The following TRIM49 variants were observed in gnomAD, a reference collection of about 807,000 sequenced individuals.
The protein encoded by TRIM49 is tripartite motif containing 49, also known as tripartite motif-containing protein 49.
A neutral mutation model predicts 27.4 loss-of-function variants in TRIM49; 5 were observed. The observed-to-expected ratio is 0.18, with a 90% CI of 0.10 to 0.38. The LOEUF (loss-of-function observed/expected upper bound fraction) is 0.38. Among genes scored for constraint, TRIM49 ranks in the 10% least tolerant of loss-of-function variants. The probability of loss-of-function intolerance (pLI) is 1.00; values close to 1 mark genes in which losing one functional copy is unlikely to be tolerated. For synonymous variants in TRIM49, 69 were observed against 166.0 expected, an observed-to-expected ratio of 0.42 and a Z score of 4.49; for missense variants, 188 against 487.5, an observed-to-expected ratio of 0.39 and a Z score of 5.79.
chr11:89,769,397 T>C, the TRIM49 span, among the ~76,000 whole-genome samples: 73 of 136,168 alleles, frequency 5.4e-4, 2 homozygotes, highest in African/African-American at 1.6e-3. Context: ...TATTCTACCG[T>C]TCATGGAGAG....
intron 6 of TRIM49, among the ~76,000 whole-genome samples, chr11:89,800,592 A>C (rs1001183457): frequency 6.7e-6 from 1 of 150,226 alleles, no homozygotes; most frequent in African/African-American, 2.5e-5. Flanking sequence ...AAATACAAAA[A>C]ATTAGCCGGG....
rs776872724 is a variant in TRIM49 at position 89,798,526 on chromosome 11, G to C, written c.963C>G (p.Phe321Leu). 16 of 1,582,794 alleles carry C rather than the reference G, an allele frequency of 1.0e-5. No homozygotes were observed. The highest frequency in any genetic ancestry group is 1.0e-5 in the Non-Finnish European group (12 of 1,171,322). ...IGCDHQDVPY[F>L]TATPRSFLAW... ...CAAGAAAACTTCTAGGTGTTGCAGT[G>C]AAATAGGGTACATCTTGATGGTCAC... The change falls in exon 8 of 8, where the codon TTC becomes TTG. Residue 321 changes from phenylalanine (F) to leucine (L), a missense_variant. By Grantham distance (22) the Phe-to-Leu change is conservative. This residue lies in a region of TRIM49 where 94 missense variants were observed against 149.6 expected (regional missense o/e 0.63). Coordinates refer to ENST00000329758, the MANE Select transcript of TRIM49 (RefSeq NM_020358.2).
In TRIM49 at chr11:89,804,049, C is replaced by T. The variant is rs1397648111; in HGVS notation, c.411+10G>A. On this transcript the variant is annotated intron_variant, in intron 3 of 7. Transcript: ENST00000329758. ...CTTTACAGAAATCGATCTTCAGAGC[C>T]ATCACTTACCCGGTGTTCCTCAGCA... 5 of 1,602,334 alleles carry T rather than the reference C, an allele frequency of 3.1e-6. No individual in the cohort carries two copies. The highest frequency in any genetic ancestry group is 2.6e-6 in the Non-Finnish European group (3 of 1,173,084).
chr11:89,803,676 G>A, intron 4 of TRIM49, 22 bp downstream of exon 4: 1 of 975,904 alleles, frequency 1.0e-6, no homozygotes, highest in Non-Finnish European at 1.5e-6. Context: ...TCCTGGAGAA[G>A]GTAGAGTAGT....
downstream of TRIM49, among the ~76,000 whole-genome samples, chr11:89,796,158 T>C (rs1949687601): frequency 6.6e-6 from 1 of 152,046 alleles, no homozygotes; most frequent in South Asian, 2.1e-4. Flanking sequence ...CTTTCTCAGT[T>C]ATTTTAAATA....
chr11:89,793,764 C>T (rs1949670927), downstream of TRIM49, among the ~76,000 whole-genome samples: 1 of 151,924 alleles, frequency 6.6e-6, no homozygotes, highest in Non-Finnish European at 1.5e-5. Flanking sequence ...ATGACAATCC[C>T]ACAGCCAATA....
chr11:89,797,570 T>C (rs1949700506), downstream of TRIM49: 1 of 152,310 alleles, frequency 6.6e-6, no homozygotes, highest in South Asian at 2.1e-4. Flanking sequence ...TGTATTTCAA[T>C]GTAGACGAGC....
chr11:89,791,905 A>G, the TRIM49 span, among the ~76,000 whole-genome samples: 1 of 149,644 alleles, frequency 6.7e-6, no homozygotes, highest in East Asian at 2.0e-4. Context: ...ATTAACCTTA[A>G]ATGTAAATGG....
the TRIM49 span, among the ~76,000 whole-genome samples, chr11:89,790,944 C>T: frequency 2.0e-5 from 3 of 152,048 alleles, no homozygotes; most frequent in Non-Finnish European, 4.4e-5. Context: ...GACGATCAAA[C>T]TTCTCCAAGC....
chr11:89,779,467 GATATCT>G, the TRIM49 span, among the ~76,000 whole-genome samples: 1 of 46,058 alleles, frequency 2.2e-5, no homozygotes, highest in Non-Finnish European at 3.3e-5. Context: ...TGGAAACCTA[GATATCT>G]TTGCTTTACT....
At chr11:89,793,315 C>G (rs1434980056), downstream of TRIM49, among the ~76,000 whole-genome samples, 2 of 152,092 alleles carry the variant, frequency 1.3e-5, no homozygotes, top group Non-Finnish European at 2.9e-5. Context: ...CAAGGAGGAG[C>G]TGGTACCATT....
chr11:89,787,993 G>A, the TRIM49 span, among the ~76,000 whole-genome samples: 1 of 147,306 alleles, frequency 6.8e-6, no homozygotes, highest in African/African-American at 2.6e-5. Context: ...ACATCGATTC[G>A]CCTGACACCA....
the TRIM49 span, among the ~76,000 whole-genome samples, chr11:89,784,946 T>C: frequency 0.078 from 11,133 of 142,944 alleles, 11 homozygotes; most frequent in East Asian, 0.24. Context: ...ATTATCTTCA[T>C]CTGTCAGAAT....
the TRIM49 span, among the ~76,000 whole-genome samples, chr11:89,772,909 C>T: frequency 7.5e-6 from 1 of 133,628 alleles, no homozygotes; most frequent in Admixed American, 7.0e-5. Context: ...AAAAAGTCTC[C>T]AATTTGGAAC....
the TRIM49 span, among the ~76,000 whole-genome samples, chr11:89,774,414 A>G: frequency 6.6e-6 from 1 of 150,626 alleles, no homozygotes; most frequent in Non-Finnish European, 1.5e-5. Flanking sequence ...TACTTTATAA[A>G]CCTAATCAGC....
At chr11:89,770,449 A>G in the TRIM49 span, among the ~76,000 whole-genome samples, 1 of 140,680 alleles carries the variant, frequency 7.1e-6, no homozygotes, top group African/African-American at 3.1e-5. Flanking sequence ...ATCACTTCCT[A>G]AAAAGCTAGG....
downstream of TRIM49, among the ~76,000 whole-genome samples, chr11:89,792,919 A>T (rs1410167986): frequency 1.3e-5 from 2 of 152,178 alleles, no homozygotes; most frequent in African/African-American, 4.8e-5. Flanking sequence ...GGAGATAGAG[A>T]CACAATGAAA....
At chr11:89,787,841 G>C in the TRIM49 span, 3 of 457,466 alleles carry the variant, frequency 6.6e-6, no homozygotes, top group Non-Finnish European at 1.2e-5. Context: ...GAGGACGTGA[G>C]AGTCCGCGGG....
intron 1 of TRIM49, among the ~76,000 whole-genome samples, chr11:89,807,596 C>T (rs1452309964): frequency 6.6e-6 from 1 of 150,728 alleles, no homozygotes; most frequent in Non-Finnish European, 1.5e-5. Context: ...AGTGCAGTAG[C>T]ATAATCATAG....
Sources: allele counts gnomAD v4.1 joint callset (sites outside exome capture counted in the v4.1 genomes callset), GRCh38; gene constraint gnomAD v4.1.1; regional missense constraint gnomAD v4.1.1; transcripts MANE v1.5; gene names NCBI Gene and HGNC (gene_info 2026-07-23, HGNC 2026-07-21).